The following PCDHGA8 variants were observed in gnomAD, a reference collection of about 807,000 sequenced individuals.
The protein encoded by PCDHGA8 is protocadherin gamma subfamily A, 8, also known as protocadherin gamma-A8.
In PCDHGA8, 45 loss-of-function variants were observed where a neutral mutation model predicts 59.2. That is an observed-to-expected ratio of 0.76 (90% confidence interval 0.60 to 0.98). The LOEUF is 0.98. Among genes scored for constraint, PCDHGA8 ranks in the 50% least tolerant of loss-of-function variants. PCDHGA8 has a pLI of 0.00. For synonymous variants in PCDHGA8, 531 were observed against 519.0 expected, an observed-to-expected ratio of 1.02 and a Z score of -0.32; for missense variants, 1,257 against 1,196.2, an observed-to-expected ratio of 1.05 and a Z score of -0.75.
At chr5:141,422,301 G>A (rs777697738) in intron 1 of PCDHGA8, 36 of 1,549,184 alleles carry the variant, frequency 2.3e-5, no homozygotes, top group Non-Finnish European at 3.1e-5. Flanking sequence ...ATTCAATTCT[G>A]GAAAACTCTC....
chr5:141,494,194 G>A (rs1446357035), intron 1 of PCDHGA8, among the ~76,000 whole-genome samples: 2 of 152,182 alleles, frequency 1.3e-5, no homozygotes, highest in Non-Finnish European at 2.9e-5. Flanking sequence ...GGACTTGGAT[G>A]CCCCGCAAAG....
chr5:141,423,755 G>GC (rs542747697), intron 1 of PCDHGA8: 5,773 of 512,484 alleles, frequency 0.011, 63 homozygotes, highest in Non-Finnish European at 0.014. Context: ...CTGTTTGGGG[G>GC]GGGGGTGGGG....
intron 1 of PCDHGA8, chr5:141,403,259 C>T: frequency 6.2e-7 from 1 of 1,613,866 alleles, no homozygotes; most frequent in Admixed American, 1.7e-5. Context: ...CCCGCGGTGT[C>T]TGGTGAACTT....
chr5:141,401,888 TTC>T (rs1281227155), intron 1 of PCDHGA8, among the ~76,000 whole-genome samples: 3 of 152,232 alleles, frequency 2.0e-5, no homozygotes, highest in Non-Finnish European at 2.9e-5. Flanking sequence ...ATATTTTGTG[TTC>T]TTTTTCCCAA....
chr5:141,410,206 G>T (rs774541712), intron 1 of PCDHGA8: 2 of 1,614,026 alleles, frequency 1.2e-6, no homozygotes, highest in South Asian at 1.1e-5. Context: ...CAGACAACTT[G>T]CAAGAGATAC....
chr5:141,398,835 T>G (rs371527677), intron 1 of PCDHGA8: 60 of 1,613,796 alleles, frequency 3.7e-5, no homozygotes, highest in Non-Finnish European at 4.9e-5. Context: ...CCGACGCCAA[T>G]GATAATCCCC....
intron 1 of PCDHGA8, among the ~76,000 whole-genome samples, chr5:141,471,706 A>G (rs2099262749): frequency 6.6e-6 from 1 of 152,212 alleles, no homozygotes; most frequent in African/African-American, 2.4e-5. Context: ...CTGGAATAGA[A>G]GTGCCACTTA....
At chr5:141,492,659 T>C (rs2099742881) in intron 1 of PCDHGA8, among the ~76,000 whole-genome samples, 1 of 152,182 alleles carries the variant, frequency 6.6e-6, no homozygotes, top group Non-Finnish European at 1.5e-5. Context: ...GTCCGGATGG[T>C]CCCGGGACTC....
Position 141,485,751 on chromosome 5 carries a change from A to G in PCDHGA8, c.2425-9056A>G. ...CGCAGCGACGGCAGCCTGGTCCCAG[A>G]GCTGCTCCTGGAGAAGCCTTTGGAT... is the stretch of plus-strand genomic sequence containing the variant. On this transcript the variant is annotated intron_variant, in intron 1 of 3. Coordinates refer to ENST00000398604, the MANE Select transcript of PCDHGA8 (RefSeq NM_032088.2). This position sits in a 1 kb window ranked among gnomAD's most constrained non-coding sequence, Gnocchi z 5.7. 6.2e-7 allele frequency: 1 copy of G among 1,614,166 alleles called. No individual in the cohort carries two copies. Among genetic ancestry groups the G allele is most frequent in the Non-Finnish European group, 8.5e-7 (1 of 1,179,998 alleles).
intron 1 of PCDHGA8, among the ~76,000 whole-genome samples, chr5:141,448,861 C>T (rs1017826063): frequency 2.0e-5 from 3 of 152,118 alleles, no homozygotes; most frequent in African/African-American, 7.2e-5. Flanking sequence ...AGGAGAATGG[C>T]GTGAACCTGG....
chr5:141,448,426 T>C (rs892222815), intron 1 of PCDHGA8, among the ~76,000 whole-genome samples: 1 of 152,164 alleles, frequency 6.6e-6, no homozygotes, highest in Non-Finnish European at 1.5e-5. Context: ...ATACTATGTA[T>C]ATATTGAGAA....
rs749590670 is a variant in PCDHGA8, at chr5:141,415,328, A to T, written c.2424+20091A>T. 7.9e-5 allele frequency: 127 copies of T among 1,614,184 alleles called. No individual in the cohort carries two copies. The Admixed American group carries it at 1.9e-3, about 24-fold the overall frequency. ...GCCTTCGTCATCGTGCTGCTGGCGC[A>T]CAGGCTGCGGCGCTGGCACAAGTCA... On this transcript the variant is annotated intron_variant, in intron 1 of 3. Transcript: ENST00000398604.
chr5:141,399,998 C>T (rs753846360), intron 1 of PCDHGA8: 37 of 1,612,212 alleles, frequency 2.3e-5, no homozygotes, highest in Non-Finnish European at 2.7e-5. Context: ...GAGGTGCGCA[C>T]AGCGCGTGCC....
chr5:141,503,212 C>G (rs1227936455), intron 2 of PCDHGA8, among the ~76,000 whole-genome samples: 1 of 152,074 alleles, frequency 6.6e-6, no homozygotes, highest in African/African-American at 2.4e-5. Flanking sequence ...CAGTGCCCAC[C>G]ATGAGCACCG....
intron 1 of PCDHGA8, chr5:141,423,157 G>T: frequency 1.9e-6 from 3 of 1,610,820 alleles, no homozygotes; most frequent in East Asian, 2.2e-5. Context: ...GCAGAGCCTC[G>T]TGGTGGCCGT....
chr5:141,476,267 G>T lies in PCDHGA8; in HGVS notation c.2425-18540G>T, dbSNP rs373758158. 15 of 1,614,056 alleles carry T rather than the reference G, an allele frequency of 9.3e-6. No homozygotes were observed. In the South Asian group the frequency reaches 1.6e-4, roughly 18 times the overall value. On this transcript the variant is annotated intron_variant, in intron 1 of 3. Transcript: ENST00000398604. This position sits in a 1 kb window ranked among gnomAD's most constrained non-coding sequence, Gnocchi z 7.6. ...GAAGGGTTTCGCTGTGGGCAACGTGGTCGCGAACCTTGGTTTGGATCTCGG... is the reference window on the plus strand; with the variant it reads ...GAAGGGTTTCGCTGTGGGCAACGTGTTCGCGAACCTTGGTTTGGATCTCGG...
chr5:141,477,184 C>T lies in PCDHGA8; in HGVS notation c.2425-17623C>T. On this transcript the variant is annotated intron_variant, in intron 1 of 3. Coordinates refer to ENST00000398604, the MANE Select transcript of PCDHGA8 (RefSeq NM_032088.2). The surrounding 1 kb of genome is among the most constrained non-coding windows in gnomAD (Gnocchi z 4.9). ...ACGCCCCGGAGATCACAGTCACCTC[C>T]GTGTACAGCCCAGTACCCGAGGATG... The T allele has an allele frequency of 3.7e-6, 6 of 1,614,178 alleles. No individual in the cohort carries two copies. Among genetic ancestry groups the T allele is most frequent in the Non-Finnish European group, 5.1e-6 (6 of 1,180,032 alleles).
chr5:141,398,857 C>T (rs749773693), intron 1 of PCDHGA8: 15 of 1,613,800 alleles, frequency 9.3e-6, no homozygotes, highest in African/African-American at 1.3e-5. Flanking sequence ...GGTATTCAAC[C>T]GAGACGTGTA....
chr5:141,471,618 A>C (rs1421854064), intron 1 of PCDHGA8: 1 of 152,218 alleles, frequency 6.6e-6, no homozygotes, highest in Non-Finnish European at 1.5e-5. Context: ...TGGGAGTAGT[A>C]AGCATTGGTA....
Sources: gnomAD v4.1 joint callset for allele counts (sites outside exome capture counted in the v4.1 genomes callset) on GRCh38, gnomAD v4.1.1 for gene constraint, Gnocchi (gnomAD v3.1) non-coding constraint, MANE v1.5 for transcripts, NCBI Gene and HGNC (gene_info 2026-07-23, HGNC 2026-07-21) for gene names.